Variants in GPR141 observed in about 807,000 individuals in gnomAD.
GPR141 encodes G protein-coupled receptor 141, also known as probable G protein-coupled receptor 141.
Under a neutral mutation model 6.8 loss-of-function variants are expected in GPR141, and 6 were observed. The observed-to-expected ratio is 0.88, with a 90% CI of 0.48 to 1.74. GPR141 has a LOEUF of 1.74. GPR141 is among the 40% of genes most tolerant of loss of function. The probability of loss-of-function intolerance (pLI) is 0.01; values close to 1 mark genes in which losing one functional copy is unlikely to be tolerated. For missense variants in GPR141, 372 were observed against 372.9 expected, an observed-to-expected ratio of 1.00 and a Z score of 0.02; for synonymous variants, 140 against 142.3, an observed-to-expected ratio of 0.98 and a Z score of 0.11.
chr7:37,741,573 T>C lies in GPR141; in HGVS notation c.*262T>C, dbSNP rs964199802. Among the ~76,000 whole-genome samples the C allele has an allele frequency of 3.3e-5, 5 of 152,232 alleles. No homozygotes were observed. Among genetic ancestry groups the C allele is most frequent in the African/African-American group, 1.2e-4 (5 of 41,464 alleles). On this transcript the variant is annotated 3_prime_UTR_variant, in exon 3 of 3. Coordinates refer to ENST00000334425, the MANE Select transcript of GPR141 (RefSeq NM_001381946.1). ...TATTTTCCAGTACAGAATGTCTGTG[T>C]GGCCCATGAAAGCAACATAGGTTTT... is the stretch of plus-strand genomic sequence containing the variant.
chr7:37,691,167 T>G (rs1349541484), intron 2 of GPR141, among the ~76,000 whole-genome samples: 1 of 152,014 alleles, frequency 6.6e-6, no homozygotes, highest in Admixed American at 6.5e-5. Flanking sequence ...TGGAATATCT[T>G]TTTTCATCTC....
At chr7:37,724,229 T>C (rs1478710673) in intron 2 of GPR141, among the ~76,000 whole-genome samples, 1 of 151,928 alleles carries the variant, frequency 6.6e-6, no homozygotes, top group African/African-American at 2.4e-5. Flanking sequence ...TGGTGAAAAA[T>C]GATGTCTTTG....
At chr7:37,700,433 G>A (rs1164858262) in intron 2 of GPR141, among the ~76,000 whole-genome samples, 5 of 152,008 alleles carry the variant, frequency 3.3e-5, no homozygotes, top group African/African-American at 7.3e-5. Context: ...ATTATCTACC[G>A]CCACCATGTC....
intron 2 of GPR141, among the ~76,000 whole-genome samples, chr7:37,708,088 G>A (rs140585390): frequency 1.4e-4 from 21 of 152,196 alleles, no homozygotes; most frequent in African/African-American, 4.8e-4. Context: ...TGACCTCTCA[G>A]ATGCTTTGGA....
chr7:37,718,516 GAAGGAAGA>G (rs75783273), intron 2 of GPR141, among the ~76,000 whole-genome samples: 43,896 of 117,044 alleles, frequency 0.38, 6,732 homozygotes, highest in South Asian at 0.52. Context: ...TGTCTCGAAG[GAAGGAAGA>G]AAGGAAGGAA....
intron 2 of GPR141, among the ~76,000 whole-genome samples, chr7:37,727,989 A>G (rs538540700): frequency 6.6e-6 from 1 of 152,294 alleles, no homozygotes; most frequent in African/African-American, 2.4e-5. Context: ...ACATCAAACT[A>G]TTGGTAATTC....
At position 37,741,182 on chromosome 7, in the gene GPR141, AT is replaced by A. The variant is rs1355313169; in HGVS notation, c.793del (p.Tyr265IlefsTer6). 6.2e-7 allele frequency: 1 copy of A among 1,613,912 alleles called. No individual in the cohort carries two copies. The highest frequency in any genetic ancestry group is 1.3e-5 in the African/African-American group (1 of 75,032). On this transcript the variant is annotated frameshift_variant, in exon 3 of 3. Transcript: ENST00000334425. LOFTEE classifies it high-confidence loss of function. ...HSNACNSKVA[F>X]YNEIFLSVTA... ...CCAATGCCTGTAACAGCAAGGTTGC[AT>A]TTTATAACGAAATCTTCTTGAGTGT...
chr7:37,710,397 A>G (rs1562775745), intron 2 of GPR141, among the ~76,000 whole-genome samples: 1 of 152,174 alleles, frequency 6.6e-6, no homozygotes, highest in Non-Finnish European at 1.5e-5. Flanking sequence ...CTGCAGCTAC[A>G]TAATTTTGAA....
At chr7:37,738,438 T>C (rs939839130) in intron 2 of GPR141, among the ~76,000 whole-genome samples, 1 of 152,198 alleles carries the variant, frequency 6.6e-6, no homozygotes, top group African/African-American at 2.4e-5. Flanking sequence ...CACAATATAA[T>C]TTCATGTCTC....
chr7:37,694,114 A>T (rs1462601866), intron 2 of GPR141, among the ~76,000 whole-genome samples: 2 of 152,136 alleles, frequency 1.3e-5, no homozygotes, highest in Non-Finnish European at 2.9e-5. Flanking sequence ...GTGAGGTATG[A>T]CTGCTTTGGG....
chr7:37,719,142 G>T (rs983012808), intron 2 of GPR141, among the ~76,000 whole-genome samples: 1 of 152,188 alleles, frequency 6.6e-6, no homozygotes, highest in Admixed American at 6.5e-5. Flanking sequence ...GGTTGGTTCT[G>T]CCATGCCAGA....
intron 2 of GPR141, among the ~76,000 whole-genome samples, chr7:37,690,722 G>A (rs572814190): frequency 1.2e-4 from 18 of 151,622 alleles, no homozygotes; most frequent in Non-Finnish European, 2.5e-4. Flanking sequence ...TTGTTTTGTG[G>A]CCTAACATGT....
chr7:37,687,266 G>A (rs1330955392), intron 2 of GPR141, among the ~76,000 whole-genome samples: 1 of 152,008 alleles, frequency 6.6e-6, no homozygotes, highest in African/African-American at 2.4e-5. Context: ...ATAATATCTA[G>A]TATATGATTC....
chr7:37,737,531 A>T (rs1254633732), intron 2 of GPR141, among the ~76,000 whole-genome samples: 1 of 152,156 alleles, frequency 6.6e-6, no homozygotes. Flanking sequence ...CTTTGAATGT[A>T]GCCCAACACA....
intron 2 of GPR141, among the ~76,000 whole-genome samples, chr7:37,723,291 C>G (rs1811442258): frequency 6.6e-6 from 1 of 151,956 alleles, no homozygotes; most frequent in African/African-American, 2.4e-5. Flanking sequence ...CCGTGCCTGG[C>G]CTAAGAGTCC....
chr7:37,685,430 C>T (rs1809459416), intron 1 of GPR141, 30 bp from the exon 2 acceptor site: 1 of 142,988 alleles, frequency 7.0e-6, no homozygotes, highest in Non-Finnish European at 1.5e-5. Flanking sequence ...CCCTCCATCT[C>T]TCTCTCTCTT....
At chr7:37,730,632 T>G (rs1811884011) in intron 2 of GPR141, among the ~76,000 whole-genome samples, 1 of 152,206 alleles carries the variant, frequency 6.6e-6, no homozygotes, top group Admixed American at 6.5e-5. Context: ...GGTGCTGGCT[T>G]GCTTGTTCCA....
chr7:37,721,178 A>G (rs1013765518), intron 2 of GPR141, among the ~76,000 whole-genome samples: 10 of 152,088 alleles, frequency 6.6e-5, no homozygotes, highest in African/African-American at 2.4e-4. Flanking sequence ...TGGGTCTCCA[A>G]TTTCAGGGCT....
chr7:37,699,137 A>G (rs538286293), intron 2 of GPR141, among the ~76,000 whole-genome samples: 1 of 152,242 alleles, frequency 6.6e-6, no homozygotes, highest in Non-Finnish European at 1.5e-5. Flanking sequence ...TTGATCCAGA[A>G]TCACGGATTG....
Sources: gnomAD v4.1 joint callset for allele counts (sites outside exome capture counted in the v4.1 genomes callset) on GRCh38, gnomAD v4.1.1 for gene constraint, MANE v1.5 for transcripts, NCBI Gene and HGNC (gene_info 2026-07-23, HGNC 2026-07-21) for gene names.